The following ANOS1 variants were observed in gnomAD, a reference collection of about 807,000 sequenced individuals.
ANOS1 encodes the protein anosmin 1.
A neutral mutation model predicts 59.0 loss-of-function variants in ANOS1; 6 were observed. The observed-to-expected ratio is 0.10, with a 90% CI of 0.06 to 0.20. The LOEUF (loss-of-function observed/expected upper bound fraction) is 0.20, where lower values mean the gene tolerates loss of function less well. Ranked by LOEUF, ANOS1 falls within the 10% of genes least tolerant of loss-of-function variation. The pLI, the probability that ANOS1 is intolerant of heterozygous loss-of-function variation, is 1.00. For missense variants in ANOS1, 433 were observed against 542.3 expected (o/e 0.80, Z 2.00); for synonymous variants, 217 against 223.4 (o/e 0.97, Z 0.25).
At chrX:8,628,776 A>G (rs1321603674) in intron 2 of ANOS1, among the ~76,000 whole-genome samples, 4 of 112,500 alleles carry the variant, frequency 3.6e-5, no homozygotes, top group African/African-American at 1.3e-4. Flanking sequence ...ATGAAGAAAC[A>G]CTTTAAATTT....
At position 8,731,950 on chromosome X, in the gene ANOS1, C is replaced by T; in HGVS notation, c.87G>A (p.Ala29=). 8.9e-7 allele frequency: 1 copy of T among 1,119,621 alleles called. No homozygotes were observed. 92.3% of individuals were successfully genotyped at this position (1,119,621 alleles called of 1,213,427 possible). A position where few individuals can be genotyped will look rare whatever the true frequency, so the allele number is the denominator to read the frequency against. ...SSGCLAAGPG[A]AAARRLDESL... ...ACTCGTCCAGCCGCCGCGCAGCAGC[C>T]GCGCCGGGGCCGGCCGCCAGGCAGC... Residue 29 remains alanine (A), a synonymous_variant, in exon 1 of 14, where the codon GCG becomes GCA. Coordinates refer to ENST00000262648, the MANE Select transcript of ANOS1 (RefSeq NM_000216.4).
rs200423055 is a variant in ANOS1 at position 8,556,951 on chromosome X, C to T, written c.1208-2853G>A. 3.6e-5 allele frequency among the ~76,000 whole-genome samples: 4 copies of T among 111,788 alleles called. No homozygotes were observed. In the East Asian group the frequency reaches 1.1e-3, roughly 31 times the overall value. On this transcript the variant is annotated intron_variant, in intron 8 of 13. Coordinates refer to ENST00000262648, the MANE Select transcript of ANOS1 (RefSeq NM_000216.4). ...TACACTACAAGGCTACAGTAACCAACACAGCATGGTACTGGTAACAAAACA... is the reference window on the plus strand; with the variant it reads ...TACACTACAAGGCTACAGTAACCAATACAGCATGGTACTGGTAACAAAACA...
At chrX:8,610,363 A>G (rs1931033693) in intron 3 of ANOS1, among the ~76,000 whole-genome samples, 1 of 111,995 alleles carries the variant, frequency 8.9e-6, no homozygotes, top group African/African-American at 3.2e-5. Flanking sequence ...CAATTTTGCC[A>G]AAAAAATGAT....
intron 4 of ANOS1, among the ~76,000 whole-genome samples, chrX:8,596,629 G>A (rs753553321): frequency 1.8e-5 from 2 of 111,730 alleles, no homozygotes; most frequent in Admixed American, 1.9e-4. Context: ...GGCAGAAAAA[G>A]CACAATACCA....
At chrX:8,587,132 GT>G (rs200476178) in intron 5 of ANOS1, among the ~76,000 whole-genome samples, 69 of 85,065 alleles carry the variant, frequency 8.1e-4, no homozygotes, top group East Asian at 1.8e-3. Flanking sequence ...GTGTGTGTGT[GT>G]GGGGGGGTGG....
chrX:8,570,714 C>A lies in ANOS1; in HGVS notation c.857-10G>T, dbSNP rs1428532575. The A allele has an allele frequency of 5.0e-6, 6 of 1,199,622 alleles. No individual in the cohort carries two copies. The African/African-American group carries it at 5.3e-5, about 11-fold the overall frequency. ...GGTGGGGCAGATGGATCTGAAATCC[C>A]AGTACAAAGACACATCATATGACTC... On this transcript the variant is annotated splice_polypyrimidine_tract_variant and intron_variant, in intron 6 of 13. Coordinates refer to ENST00000262648, the MANE Select transcript of ANOS1 (RefSeq NM_000216.4).
At chrX:8,572,006 T>C (rs369507330) in intron 6 of ANOS1, among the ~76,000 whole-genome samples, 4 of 112,399 alleles carry the variant, frequency 3.6e-5, no homozygotes, top group African/African-American at 1.3e-4. Flanking sequence ...CTCTATGATA[T>C]ATCATGTCTG....
rs987308439 is a variant in ANOS1, at chrX:8,678,415, A to T, written c.255+21283T>A. 6.2e-5 allele frequency among the ~76,000 whole-genome samples: 7 copies of T among 112,301 alleles called. No individual in the cohort carries two copies. The Admixed American group carries it at 6.6e-4, about 11-fold the overall frequency. ...CATTTCTGGTTCTACATGTAGGGAG[A>T]TGATCTGAAAGAAGCAATATTCAGT... On this transcript the variant is annotated intron_variant, in intron 2 of 13. Coordinates refer to ENST00000262648, the MANE Select transcript of ANOS1 (RefSeq NM_000216.4).
chrX:8,649,015 T>A (rs1931807124), intron 2 of ANOS1, among the ~76,000 whole-genome samples: 1 of 111,442 alleles, frequency 9.0e-6, no homozygotes, highest in Admixed American at 9.6e-5. Flanking sequence ...AGCATCTCCT[T>A]TATCAGCCTC....
chrX:8,720,542 G>A (rs976875960), intron 1 of ANOS1, among the ~76,000 whole-genome samples: 1 of 111,992 alleles, frequency 8.9e-6, no homozygotes, highest in Non-Finnish European at 1.9e-5. Flanking sequence ...GGTTTTAATA[G>A]TTTCTTTCTT....
chrX:8,626,295 T>G (rs1931392141), intron 2 of ANOS1, among the ~76,000 whole-genome samples: 1 of 110,274 alleles, frequency 9.1e-6, no homozygotes, highest in African/African-American at 3.3e-5. Context: ...GAGTAATGTC[T>G]CTTTCTTGCT....
chrX:8,558,196 A>G (rs894764134), intron 8 of ANOS1, among the ~76,000 whole-genome samples: 1 of 110,877 alleles, frequency 9.0e-6, no homozygotes, highest in African/African-American at 3.3e-5. Context: ...GGGGAGGGAC[A>G]GTGTTAGGAG....
chrX:8,628,444 G>C (rs1931432552), intron 2 of ANOS1, among the ~76,000 whole-genome samples: 1 of 111,642 alleles, frequency 9.0e-6, no homozygotes, highest in Non-Finnish European at 1.9e-5. Context: ...ACTTTACTCT[G>C]TAGCCTTGCT....
intron 3 of ANOS1, among the ~76,000 whole-genome samples, chrX:8,615,076 G>A (rs371565034): frequency 2.7e-5 from 3 of 109,866 alleles, no homozygotes; most frequent in Non-Finnish European, 5.7e-5. Flanking sequence ...CTACTACTAC[G>A]TCCCCTAAGT....
intron 1 of ANOS1, among the ~76,000 whole-genome samples, chrX:8,730,595 C>A (rs1196928386): frequency 1.0e-5 from 1 of 96,231 alleles, no homozygotes; most frequent in Non-Finnish European, 2.1e-5. Flanking sequence ...CCCCCCCACC[C>A]CTTGACCCAG....
chrX:8,730,798 G>A (rs2146918228), intron 1 of ANOS1, among the ~76,000 whole-genome samples: 1 of 112,743 alleles, frequency 8.9e-6, no homozygotes, highest in African/African-American at 3.2e-5. Context: ...AGAGAAGGAT[G>A]AGAGAAGAGA....
chrX:8,703,048 G>A (rs1932764469), intron 1 of ANOS1, among the ~76,000 whole-genome samples: 1 of 112,260 alleles, frequency 8.9e-6, no homozygotes, highest in African/African-American at 3.2e-5. Flanking sequence ...GATGAGATCA[G>A]GGGACCCTCA....
chrX:8,540,179 A>G (rs1423122789), intron 9 of ANOS1, among the ~76,000 whole-genome samples: 6 of 111,752 alleles, frequency 5.4e-5, no homozygotes, highest in Admixed American at 9.5e-5. Context: ...GAGAATCATC[A>G]GAAGTTTCTC....
chrX:8,677,375 A>G (rs1036854763), intron 2 of ANOS1, among the ~76,000 whole-genome samples: 11 of 112,163 alleles, frequency 9.8e-5, no homozygotes, highest in Non-Finnish European at 1.3e-4. Flanking sequence ...GAGAATTTTC[A>G]TTGTATTCAA....
Sources: gnomAD v4.1 joint callset for allele counts (sites outside exome capture counted in the v4.1 genomes callset) on GRCh38, gnomAD v4.1.1 for gene constraint, MANE v1.5 for transcripts, NCBI Gene and HGNC (gene_info 2026-07-23, HGNC 2026-07-21) for gene names.